Variants in ERVH48-1 observed in about 807,000 individuals in gnomAD.
ERVH48-1 encodes the protein endogenous retrovirus group 48 member 1, envelope.
Under a neutral mutation model 2.4 loss-of-function variants are expected in ERVH48-1, and 4 were observed. The observed-to-expected ratio is 1.68, with a 90% CI of 0.83 to 3.84. The LOEUF (loss-of-function observed/expected upper bound fraction) is 3.84, where lower values mean the gene tolerates loss of function less well. ERVH48-1 is among the 30% of genes most tolerant of loss of function. The pLI is 0.01. For synonymous variants in ERVH48-1, 32 were observed against 15.5 expected, an observed-to-expected ratio of 2.06 and a Z score of -2.49; for missense variants, 97 against 43.4, an observed-to-expected ratio of 2.23 and a Z score of -3.47.
intron 1 of ERVH48-1, among the ~76,000 whole-genome samples, chr21:42,924,667 AG>A (rs747191778): frequency 5.3e-5 from 8 of 152,324 alleles, no homozygotes; most frequent in Non-Finnish European, 1.2e-4. Flanking sequence ...TTGCAAAAAA[AG>A]AACAAGGTGC....
chr21:42,918,649 C>T lies in ERVH48-1; in HGVS notation c.358G>A (p.Val120Ile), dbSNP rs748638569. 2.2e-6 allele frequency: 1 copy of T among 456,712 alleles called. No individual in the cohort carries two copies. The highest frequency in any genetic ancestry group is 4.4e-6 in the Non-Finnish European group (1 of 226,968). The allele number at this position is 456,712 out of a possible 1,614,324, so 28.3% of individuals were successfully genotyped here. A position where few individuals can be genotyped will look rare whatever the true frequency, so the allele number is the denominator to read the frequency against. The change falls in exon 2 of 2, where the codon GTA becomes ATA. Residue 120 changes from valine to isoleucine, a missense_variant. Val to Ile is a conservative substitution (Grantham distance 29). Coordinates refer to ENST00000447535, the MANE Select transcript of ERVH48-1 (RefSeq NM_001308491.2). ...LCFTKIGQWG[V>I]NTQVLEDIKR... The stretch of plus-strand genomic sequence containing the variant: ...ATGTCCTCAAGCACCTGAGTGTTTA[C>T]TCCCCATTGTCCAATTTTGGTGAAG...
rs1030905063 is a variant in ERVH48-1 at position 42,917,452 on chromosome 21, A to T, written c.*1072T>A. The T allele has an allele frequency of 6.6e-6, 1 of 152,188 alleles. No homozygotes were observed. Among genetic ancestry groups the T allele is most frequent in the Non-Finnish European group, 1.5e-5 (1 of 68,028 alleles). The allele number at this position is 152,188 out of a possible 1,614,324, so 9.4% of individuals were successfully genotyped here. On this transcript the variant is annotated 3_prime_UTR_variant, in exon 2 of 2. Coordinates refer to ENST00000447535, the MANE Select transcript of ERVH48-1 (RefSeq NM_001308491.2). ...AGGTTTGCTGGGTCCCATCCCTCCCAGGTTTGGACTGGTACACGGGCTACT... is the reference window on the plus strand; with the variant it reads ...AGGTTTGCTGGGTCCCATCCCTCCCTGGTTTGGACTGGTACACGGGCTACT...
In ERVH48-1 at chr21:42,924,025, G is replaced by A. The variant is rs2058814198; in HGVS notation, c.-286+1321C>T. On this transcript the variant is annotated intron_variant, in intron 1 of 1. Coordinates refer to ENST00000447535, the MANE Select transcript of ERVH48-1 (RefSeq NM_001308491.2). ...CCGAAGGGGGCATTCTAGCACAGAC[G>A]CTGAAGTAAGGGTGGGGCATGGGCC... Among the ~76,000 whole-genome samples the A allele has an allele frequency of 2.6e-5, 4 of 152,342 alleles. No homozygotes were observed. In the South Asian group the frequency reaches 8.3e-4, roughly 32 times the overall value.
Position 42,925,391 on chromosome 21 carries a change from TA to T in ERVH48-1, c.-332del, listed in dbSNP as rs1355802382. On this transcript the variant is annotated 5_prime_UTR_variant, in exon 1 of 2. Transcript: ENST00000447535. Reference sequence around the variant, plus strand: ...CGATGTGCATGCACAGAGAGGCGACTAGAGGCTGAGGAGCTTCCTTTGTCCG... The same window carrying T: ...CGATGTGCATGCACAGAGAGGCGACTGAGGCTGAGGAGCTTCCTTTGTCCG... The T allele has an allele frequency of 2.1e-6, 1 of 483,284 alleles. No individual in the cohort carries two copies. Among genetic ancestry groups the T allele is most frequent in the Non-Finnish European group, 3.8e-6 (1 of 261,284 alleles). The allele number at this position is 483,284 out of a possible 1,614,324, so 29.9% of individuals were successfully genotyped here.
At chr21:42,923,991 T>C (rs1250268544) in intron 1 of ERVH48-1, among the ~76,000 whole-genome samples, 1 of 152,246 alleles carries the variant, frequency 6.6e-6, no homozygotes, top group Non-Finnish European at 1.5e-5. Context: ...CTTCAGTTCC[T>C]GCTACTTCCC....
Position 42,919,058 on chromosome 21 carries a change from T to G in ERVH48-1, c.-52A>C. 1 of 1,216,118 alleles carries G rather than the reference T, an allele frequency of 8.2e-7. No individual in the cohort carries two copies. The highest frequency in any genetic ancestry group is 1.1e-6 in the Non-Finnish European group (1 of 951,932). 75.3% of individuals were successfully genotyped at this position (1,216,118 alleles called of 1,614,324 possible). ...TTGTGTTTTGGTTTTAAGAAAAAAA[T>G]GTTGGTTAATTTAAACTTGGTAGGA... On this transcript the variant is annotated 5_prime_UTR_variant, in exon 2 of 2. Transcript: ENST00000447535.
intron 1 of ERVH48-1, among the ~76,000 whole-genome samples, chr21:42,924,145 T>C (rs1469229592): frequency 6.6e-6 from 1 of 151,908 alleles, no homozygotes; most frequent in Non-Finnish European, 1.5e-5. Context: ...GTTGAGTTAA[T>C]AGGCAGCAGA....
chr21:42,920,582 T>G (rs1210147589), intron 1 of ERVH48-1, among the ~76,000 whole-genome samples: 1 of 152,090 alleles, frequency 6.6e-6, no homozygotes, highest in Non-Finnish European at 1.5e-5. Context: ...GAGTGAGAGC[T>G]CAAGTGAGGA....
In ERVH48-1 at chr21:42,918,170, CA is replaced by C. The variant is rs1481606685; in HGVS notation, c.*353del. The C allele has an allele frequency of 4.2e-6, 1 of 239,462 alleles. No homozygotes were observed. Among genetic ancestry groups the C allele is most frequent in the Non-Finnish European group, 8.3e-6 (1 of 121,166 alleles). 14.8% of individuals were successfully genotyped at this position (239,462 alleles called of 1,614,324 possible). On this transcript the variant is annotated 3_prime_UTR_variant, in exon 2 of 2. Coordinates refer to ENST00000447535, the MANE Select transcript of ERVH48-1 (RefSeq NM_001308491.2). The stretch of plus-strand genomic sequence containing the variant: ...CTTAAGTTAGAAGGAGACCAGGCTC[CA>C]GGGGGTAACCTTGGCCACCACTCAG...
At chr21:42,920,890 G>A (rs1422967732) in intron 1 of ERVH48-1, among the ~76,000 whole-genome samples, 1 of 152,148 alleles carries the variant, frequency 6.6e-6, no homozygotes, top group Non-Finnish European at 1.5e-5. Context: ...GATTTGGGGG[G>A]TTTCTATGAA....
Position 42,918,895 on chromosome 21 carries a change from T to TGGACAGCA in ERVH48-1, c.104_111dup (p.Thr38CysfsTer33). Reference sequence around the variant, plus strand: ...TCACGGCAGCTCGGAGGGGCTGCTGTGGACAGCAGGACAGCTACTGACAGT... The same window carrying TGGACAGCA: ...TCACGGCAGCTCGGAGGGGCTGCTGTGGACAGCAGGACAGCAGGACAGCTACTGACAGT... On this transcript the variant is annotated frameshift_variant, in exon 2 of 2. Transcript: ENST00000447535. LOFTEE classifies it high-confidence loss of function. The TGGACAGCA allele has an allele frequency of 2.1e-6, 1 of 484,230 alleles. No homozygotes were observed. Among genetic ancestry groups the TGGACAGCA allele is most frequent in the Non-Finnish European group, 4.0e-6 (1 of 252,196 alleles). The allele number at this position is 484,230 out of a possible 1,614,324, so 30.0% of individuals were successfully genotyped here. A position where few individuals can be genotyped will look rare whatever the true frequency, so the allele number is the denominator to read the frequency against.
intron 1 of ERVH48-1, among the ~76,000 whole-genome samples, chr21:42,922,767 TGAGTG>T (rs370429017): frequency 1.1e-3 from 115 of 100,348 alleles, no homozygotes; most frequent in African/African-American, 4.4e-3. Flanking sequence ...AAAAAAAAAG[TGAGTG>T]AAGGAAAAGG....
chr21:42,918,887 G>C lies in ERVH48-1; in HGVS notation c.120C>G (p.Ala40=), dbSNP rs1311802526. 1 of 469,512 alleles carries C rather than the reference G, an allele frequency of 2.1e-6. No individual in the cohort carries two copies. The highest frequency in any genetic ancestry group is 4.2e-6 in the Non-Finnish European group (1 of 238,874). 29.1% of individuals were successfully genotyped at this position (469,512 alleles called of 1,614,324 possible). A position where few individuals can be genotyped will look rare whatever the true frequency, so the allele number is the denominator to read the frequency against. Residue 40 remains alanine (A), a synonymous_variant, in exon 2 of 2, where the codon GCC becomes GCG. Coordinates refer to ENST00000447535, the MANE Select transcript of ERVH48-1 (RefSeq NM_001308491.2). ...GATAACACTCACGGCAGCTCGGAGG[G>C]GCTGCTGTGGACAGCAGGACAGCTA... The part of the protein sequence containing the change: ...LSVAVLLSTA[A]PPSCRECYQS...
chr21:42,922,739 C>CA (rs35066156), intron 1 of ERVH48-1, among the ~76,000 whole-genome samples: 669 of 48,142 alleles, frequency 0.014, 45 homozygotes, highest in African/African-American at 0.023. Flanking sequence ...GACTCCGTCT[C>CA]AAAAAAAAAA....
chr21:42,918,358 T>C lies in ERVH48-1; in HGVS notation c.*166A>G. On this transcript the variant is annotated 3_prime_UTR_variant, in exon 2 of 2. Coordinates refer to ENST00000447535, the MANE Select transcript of ERVH48-1 (RefSeq NM_001308491.2). Reference sequence around the variant, plus strand: ...GAGGAGTGAAAGTGAGTCTGGGGTTTTGGGATGCCTGTAAGTAAGGGGGAA... The same window carrying C: ...GAGGAGTGAAAGTGAGTCTGGGGTTCTGGGATGCCTGTAAGTAAGGGGGAA... 2.8e-6 allele frequency: 1 copy of C among 360,438 alleles called. No individual in the cohort carries two copies. The allele number at this position is 360,438 out of a possible 1,614,324, so 22.3% of individuals were successfully genotyped here.
At chr21:42,923,657 G>A (rs965180546) in intron 1 of ERVH48-1, among the ~76,000 whole-genome samples, 15 of 152,168 alleles carry the variant, frequency 9.9e-5, no homozygotes, top group African/African-American at 3.6e-4. Context: ...ATGTGGTCTC[G>A]ATGGCAGCAT....
At chr21:42,920,594 G>A (rs888194853) in intron 1 of ERVH48-1, among the ~76,000 whole-genome samples, 5 of 152,192 alleles carry the variant, frequency 3.3e-5, no homozygotes, top group East Asian at 1.9e-4. Context: ...AAGTGAGGAC[G>A]ATGAGTTCAG....
intron 1 of ERVH48-1, among the ~76,000 whole-genome samples, chr21:42,923,569 T>A (rs1277609492): frequency 1.3e-5 from 2 of 152,090 alleles, no homozygotes. Flanking sequence ...GTCAGGACCT[T>A]GGGTGATTTC....
rs578243934 is a variant in ERVH48-1, at chr21:42,918,214, G to A, written c.*310C>T. On this transcript the variant is annotated 3_prime_UTR_variant, in exon 2 of 2. Coordinates refer to ENST00000447535, the MANE Select transcript of ERVH48-1 (RefSeq NM_001308491.2). ...CCACTCAGCTATGGAGGCATTGACT[G>A]TTAGGGTTTGGTGACGGGTTTTCAC... The A allele has an allele frequency of 7.0e-5, 21 of 298,574 alleles. No homozygotes were observed. Among genetic ancestry groups the A allele is most frequent in the South Asian group, 6.4e-5 (2 of 31,134 alleles). 18.5% of individuals were successfully genotyped at this position (298,574 alleles called of 1,614,324 possible). A position where few individuals can be genotyped will look rare whatever the true frequency, so the allele number is the denominator to read the frequency against.
Sources: allele counts gnomAD v4.1 joint callset (sites outside exome capture counted in the v4.1 genomes callset), GRCh38; gene constraint gnomAD v4.1.1; transcripts MANE v1.5; gene names NCBI Gene and HGNC (gene_info 2026-07-23, HGNC 2026-07-21).